Variants in MYO18A observed in about 807,000 individuals in gnomAD.
MYO18A encodes myosin XVIIIA.
MYO18A carries 78 observed loss-of-function variants against 235.8 expected under a neutral mutation model. The ratio of observed to expected loss-of-function variants is 0.33; its 90% confidence interval spans 0.28 to 0.40. The LOEUF is 0.40. Ranked by LOEUF, MYO18A falls within the 10% of genes least tolerant of loss-of-function variation. The probability of loss-of-function intolerance (pLI) is 1.00; values close to 1 mark genes in which losing one functional copy is unlikely to be tolerated. For missense variants in MYO18A, 2,215 were observed against 2,699.3 expected (o/e 0.82, Z 3.98); for synonymous variants, 977 against 1,077.8 (o/e 0.91, Z 1.83).
intron 2 of MYO18A, among the ~76,000 whole-genome samples, chr17:29,151,634 G>A (rs2067965673): frequency 6.6e-6 from 1 of 152,160 alleles, no homozygotes; most frequent in Non-Finnish European, 1.5e-5. Context: ...CCCAGGCCTG[G>A]GAGAAAGCCC....
Position 29,133,455 on chromosome 17 carries a change from G to A in MYO18A, c.1000-11202C>T, listed in dbSNP as rs77836499. ...AGGATCAGGGAGACCCAGTTCCAGC[G>A]GTCCCTCCACAGCAGCCCACGTTCC... On this transcript the variant is annotated intron_variant, in intron 2 of 41. Transcript: ENST00000527372. Among the ~76,000 whole-genome samples, 649 of 152,280 alleles carry A rather than the reference G, an allele frequency of 4.3e-3. 6 individuals are homozygous for A. Among genetic ancestry groups the A allele is most frequent in the African/African-American group, 0.015 (619 of 41,556 alleles).
intron 2 of MYO18A, among the ~76,000 whole-genome samples, chr17:29,150,338 G>A (rs2067940100): frequency 6.6e-6 from 1 of 152,230 alleles, no homozygotes; most frequent in African/African-American, 2.4e-5. Flanking sequence ...AATCCACTGG[G>A]GCATGTGAGT....
intron 41 of MYO18A, among the ~76,000 whole-genome samples, chr17:29,081,611 G>T (rs1244796489): frequency 1.3e-5 from 2 of 149,916 alleles, no homozygotes; most frequent in Non-Finnish European, 3.0e-5. Context: ...TCTATGTTGT[G>T]GGGGCAGCAG....
chr17:29,124,646 A>G (rs1200848695), intron 2 of MYO18A: 1 of 1,282,190 alleles, frequency 7.8e-7, no homozygotes, highest in Non-Finnish European at 1.0e-6. Flanking sequence ...GGGGGAGAGC[A>G]CCCTACCTGG....
Position 29,074,437 on chromosome 17 carries a change from A to C in MYO18A, c.*333T>G. The C allele has an allele frequency of 3.4e-6, 2 of 587,764 alleles. No individual in the cohort carries two copies. Among genetic ancestry groups the C allele is most frequent in the Non-Finnish European group, 6.2e-6 (2 of 324,862 alleles). 36.4% of individuals were successfully genotyped at this position (587,764 alleles called of 1,614,324 possible). A position where few individuals can be genotyped will look rare whatever the true frequency, so the allele number is the denominator to read the frequency against. On this transcript the variant is annotated 3_prime_UTR_variant, in exon 42 of 42. Coordinates refer to ENST00000527372, the MANE Select transcript of MYO18A (RefSeq NM_078471.4). This position sits in a 1 kb window ranked among gnomAD's most constrained non-coding sequence, Gnocchi z 4.4. ...GGCAACCTGTCCACCGTCCCTGAGCAGGGAGCTGAGAGGGAGGTCAACGTG... is the reference window on the plus strand; with the variant it reads ...GGCAACCTGTCCACCGTCCCTGAGCCGGGAGCTGAGAGGGAGGTCAACGTG...
intron 2 of MYO18A, among the ~76,000 whole-genome samples, chr17:29,136,856 T>C (rs1039295607): frequency 3.3e-5 from 5 of 152,204 alleles, no homozygotes; most frequent in African/African-American, 1.2e-4. Flanking sequence ...CATGGATTGA[T>C]AGTGTGTTTT....
At chr17:29,080,470 C>T (rs2066092079) in intron 41 of MYO18A, 4 of 986,112 alleles carry the variant, frequency 4.1e-6, no homozygotes, top group Non-Finnish European at 3.6e-6. Flanking sequence ...GCAGCTCCGG[C>T]CCAGGGACAG....
At chr17:29,175,180 T>A (rs1039115640) in intron 1 of MYO18A, among the ~76,000 whole-genome samples, 22 of 152,080 alleles carry the variant, frequency 1.4e-4, no homozygotes, top group African/African-American at 4.1e-4. Flanking sequence ...GATCTTGAAC[T>A]CCTGGCTTCA....
rs1251999682 is a variant in MYO18A at position 29,131,123 on chromosome 17, T to C, written c.1000-8870A>G. Among the ~76,000 whole-genome samples the C allele has an allele frequency of 7.2e-5, 11 of 152,180 alleles. No homozygotes were observed. In the South Asian group the frequency reaches 1.9e-3, roughly 26 times the overall value. On this transcript the variant is annotated intron_variant, in intron 2 of 41. Coordinates refer to ENST00000527372, the MANE Select transcript of MYO18A (RefSeq NM_078471.4). ...GGTTAGGGGAGGTCCCCAAAGCACC[T>C]TGGCCATCTCCTTCACACACCTGAA... is the stretch of plus-strand genomic sequence containing the variant.
Position 29,120,547 on chromosome 17 carries a change from C to A in MYO18A, c.1728+69G>T, listed in dbSNP as rs533537893. ...CAGGAAAATGAGGCATGGGAGAGAG[C>A]CTGATGTCTAGGTCATGAAATCATG... On this transcript the variant is annotated intron_variant, in intron 7 of 41. Transcript: ENST00000527372. This position sits in a 1 kb window ranked among gnomAD's most constrained non-coding sequence, Gnocchi z 4.2. 7 of 1,542,630 alleles carry A rather than the reference C, an allele frequency of 4.5e-6. No individual in the cohort carries two copies. The East Asian group carries it at 1.4e-4, about 30-fold the overall frequency.
intron 2 of MYO18A, among the ~76,000 whole-genome samples, chr17:29,146,989 C>T (rs1355073696): frequency 6.6e-6 from 1 of 152,210 alleles, no homozygotes; most frequent in Non-Finnish European, 1.5e-5. Flanking sequence ...ACTGGTTTTC[C>T]TCTCAAAACC....
intron 28 of MYO18A, among the ~76,000 whole-genome samples, chr17:29,095,565 C>T (rs910159358): frequency 2.6e-5 from 4 of 152,248 alleles, no homozygotes; most frequent in South Asian, 2.1e-4. Flanking sequence ...GGACACCACC[C>T]GGACACCCCA....
intron 27 of MYO18A, 86 bp downstream of exon 27, chr17:29,097,137 G>T: frequency 1.3e-6 from 2 of 1,553,998 alleles, no homozygotes; most frequent in Admixed American, 1.8e-5. Context: ...AGGCCTGCCT[G>T]CCCCCAGAGT....
At chr17:29,119,251 A>T in intron 8 of MYO18A, 84 bp downstream of exon 8, 2 of 1,024,944 alleles carry the variant, frequency 2.0e-6, no homozygotes, top group Non-Finnish European at 2.9e-6. Context: ...AAGTGGCTTT[A>T]ATTCTGGATG....
In MYO18A at chr17:29,128,935, C is replaced by T. The variant is rs180683361; in HGVS notation, c.1000-6682G>A. 8.8e-4 allele frequency: 766 copies of T among 868,538 alleles called. 6 individuals are homozygous for T. The African/African-American group carries it at 0.012, about 14-fold the overall frequency. The allele number at this position is 868,538 out of a possible 1,614,324, so 53.8% of individuals were successfully genotyped here. On this transcript the variant is annotated intron_variant, in intron 2 of 41. Transcript: ENST00000527372. ...TCTAGGTGAGCCCACTGCCTCGCAG[C>T]CCAGACACAGCAGAGATGGAGCATG...
intron 2 of MYO18A, among the ~76,000 whole-genome samples, chr17:29,148,975 A>C (rs2067911610): frequency 6.6e-6 from 1 of 152,226 alleles, no homozygotes; most frequent in Non-Finnish European, 1.5e-5. Context: ...GGCCAAGCCC[A>C]GCACATGCGC....
intron 20 of MYO18A, 45 bp downstream of exon 20, chr17:29,107,035 G>A: frequency 6.4e-7 from 1 of 1,570,976 alleles, no homozygotes; most frequent in Non-Finnish European, 8.8e-7. Flanking sequence ...GCAGCTGCTT[G>A]AGGGGCCTGG....
rs1245837762 is a variant in MYO18A at position 29,120,571 on chromosome 17, T to C, written c.1728+45A>G. ...GCCTGATGTCTAGGTCATGAAATCA[T>C]GTGGCCTGTGTCCTACTACCCCGAG... On this transcript the variant is annotated intron_variant, in intron 7 of 41. Transcript: ENST00000527372. This position sits in a 1 kb window ranked among gnomAD's most constrained non-coding sequence, Gnocchi z 4.2. 9.4e-6 allele frequency: 15 copies of C among 1,587,708 alleles called. No individual in the cohort carries two copies. The highest frequency in any genetic ancestry group is 2.3e-5 in the South Asian group (2 of 86,992).
intron 37 of MYO18A, among the ~76,000 whole-genome samples, chr17:29,089,076 A>G (rs2066329474): frequency 6.6e-6 from 1 of 151,674 alleles, no homozygotes; most frequent in African/African-American, 2.4e-5. Context: ...AGAAGAGAGA[A>G]TGAACCTTAT....
Sources: allele counts gnomAD v4.1 joint callset (sites outside exome capture counted in the v4.1 genomes callset), GRCh38; gene constraint gnomAD v4.1.1; non-coding constraint Gnocchi (gnomAD v3.1); transcripts MANE v1.5; gene names NCBI Gene and HGNC (gene_info 2026-07-23, HGNC 2026-07-21).